DNAI7: variants seen among roughly 807,000 people sequenced by gnomAD.
The protein encoded by DNAI7 is cancer susceptibility 1.
A neutral mutation model predicts 86.6 loss-of-function variants in DNAI7; 78 were observed. That is an observed-to-expected ratio of 0.90 (90% confidence interval 0.75 to 1.09). DNAI7 has a LOEUF of 1.09. Among genes scored for constraint, DNAI7 ranks in the 50% least tolerant of loss-of-function variants. The pLI is 0.00. For synonymous variants in DNAI7, 274 were observed against 273.0 expected, an observed-to-expected ratio of 1.00 and a Z score of -0.04; for missense variants, 753 against 810.2, an observed-to-expected ratio of 0.93 and a Z score of 0.86.
chr12:25,156,196 C>T lies in DNAI7; in HGVS notation c.199-784G>A, dbSNP rs187235847. 1.2e-3 allele frequency among the ~76,000 whole-genome samples: 186 copies of T among 151,984 alleles called. 1 individual carries two copies. The highest frequency in any genetic ancestry group is 3.4e-3 in the Middle Eastern group (1 of 292). On this transcript the variant is annotated intron_variant, in intron 4 of 15. Coordinates refer to ENST00000395987, the MANE Select transcript of DNAI7 (RefSeq NM_018272.5). ...CCCTAAGTACATGTCTTTTTAATAG[C>T]CTGTTGGATAAAATGGGAAGTCAGC...
chr12:25,115,253 T>C (rs1383843759), intron 12 of DNAI7, among the ~76,000 whole-genome samples: 2 of 152,264 alleles, frequency 1.3e-5, no homozygotes, highest in Non-Finnish European at 2.9e-5. Flanking sequence ...AGAGAAACTC[T>C]CTTCAGCTTT....
chr12:25,150,601 CAAAAAAA>C (rs58511191), intron 6 of DNAI7, among the ~76,000 whole-genome samples: 1 of 88,982 alleles, frequency 1.1e-5, no homozygotes, highest in African/African-American at 4.7e-5. Context: ...GACTCTGTCT[CAAAAAAA>C]AAAAAAAAAA....
intron 2 of DNAI7, among the ~76,000 whole-genome samples, chr12:25,163,023 C>T (rs533908877): frequency 2.3e-4 from 35 of 152,354 alleles, no homozygotes; most frequent in African/African-American, 7.7e-4. Context: ...TGCTCCTGTA[C>T]GACCTGGGAG....
downstream of DNAI7, chr12:25,107,687 C>T: frequency 1.3e-6 from 1 of 785,982 alleles, no homozygotes; most frequent in South Asian, 1.8e-5. Flanking sequence ...AATGATAAAT[C>T]ATAATATGTA....
At chr12:25,127,722 G>A (rs559780479) in intron 9 of DNAI7, among the ~76,000 whole-genome samples, 3 of 152,244 alleles carry the variant, frequency 2.0e-5, no homozygotes, top group East Asian at 3.9e-4. Context: ...CTTGATAAAT[G>A]CACAGATAGT....
At chr12:25,168,220 C>T (rs1349393551) in intron 2 of DNAI7, among the ~76,000 whole-genome samples, 1 of 152,194 alleles carries the variant, frequency 6.6e-6, no homozygotes, top group East Asian at 1.9e-4. Flanking sequence ...AAGGTCTCTT[C>T]TTCCTCTGTG....
intron 2 of DNAI7, among the ~76,000 whole-genome samples, chr12:25,180,570 G>A (rs1565828224): frequency 6.6e-6 from 1 of 152,048 alleles, no homozygotes; most frequent in African/African-American, 2.4e-5. Context: ...AAAATAACAT[G>A]GTATTGGTAT....
At position 25,161,206 on chromosome 12, in the gene DNAI7, A is replaced by AG; in HGVS notation, c.22-10dup. ...TTTTTCTTACTGCCAGACTTAACAA[A>AG]GGCCACATCATAAAAAAGGCTATTA... On this transcript the variant is annotated splice_polypyrimidine_tract_variant and intron_variant, in intron 2 of 15. Transcript: ENST00000395987. The AG allele has an allele frequency of 6.2e-7, 1 of 1,611,088 alleles. No homozygotes were observed. Among genetic ancestry groups the AG allele is most frequent in the South Asian group, 1.1e-5 (1 of 90,956 alleles).
At position 25,154,451 on chromosome 12, in the gene DNAI7, C is replaced by T. The variant is rs780391229; in HGVS notation, c.306G>A (p.Lys102=). The part of the protein sequence containing the change: ...KQETKLLSQW[K]HYIQCDGSPD... The stretch of plus-strand genomic sequence containing the variant: ...GACTCCCATCACATTGAATGTAGTG[C>T]TTCCACTGTGGAATAAAAATGTTTA... Residue 102 remains lysine, a synonymous_variant, in exon 6 of 16, where the codon AAG becomes AAA. Coordinates refer to ENST00000395987, the MANE Select transcript of DNAI7 (RefSeq NM_018272.5). 1 of 1,605,698 alleles carries T rather than the reference C, an allele frequency of 6.2e-7. No homozygotes were observed. The highest frequency in any genetic ancestry group is 2.2e-5 in the East Asian group (1 of 44,634).
chr12:25,157,852 T>TTTTG (rs763713211), intron 4 of DNAI7, among the ~76,000 whole-genome samples: 1 of 145,178 alleles, frequency 6.9e-6, no homozygotes, highest in Non-Finnish European at 1.5e-5. Context: ...TTTTTTTTTT[T>TTTTG]GTTCCTGTTA....
At position 25,195,094 on chromosome 12, in the gene DNAI7, A is replaced by T; in HGVS notation, c.-16T>A. The T allele has an allele frequency of 1.9e-6, 3 of 1,613,820 alleles. No homozygotes were observed. The highest frequency in any genetic ancestry group is 4.5e-5 in the East Asian group (2 of 44,880). Reference sequence around the variant, plus strand: ...TGCTCACCATTAAGAGTCAAGCTCCACTGCAGTAGTCCGCAGAGTCGGAGC... The same window carrying T: ...TGCTCACCATTAAGAGTCAAGCTCCTCTGCAGTAGTCCGCAGAGTCGGAGC... On this transcript the variant is annotated 5_prime_UTR_variant, in exon 1 of 16. Transcript: ENST00000395987.
chr12:25,138,170 T>G (rs899723447), intron 9 of DNAI7, among the ~76,000 whole-genome samples: 1 of 151,982 alleles, frequency 6.6e-6, no homozygotes, highest in Admixed American at 6.6e-5. Context: ...CTCAATAAAT[T>G]TAAGAAAATT....
At chr12:25,129,088 C>A (rs948769192) in intron 9 of DNAI7, among the ~76,000 whole-genome samples, 1 of 152,170 alleles carries the variant, frequency 6.6e-6, no homozygotes, top group African/African-American at 2.4e-5. Flanking sequence ...TGTTTTATGA[C>A]TTCTGCAATA....
Position 25,149,690 on chromosome 12 carries a change from T to C in DNAI7, c.523A>G (p.Ile175Val). The C allele has an allele frequency of 6.3e-7, 1 of 1,597,656 alleles. No homozygotes were observed. The highest frequency in any genetic ancestry group is 1.1e-5 in the South Asian group (1 of 89,920). The change falls in exon 7 of 16, where the codon ATA becomes GTA. Residue 175 changes from isoleucine (I) to valine (V), a missense_variant. Ile to Val is a conservative substitution (Grantham distance 29). Coordinates refer to ENST00000395987, the MANE Select transcript of DNAI7 (RefSeq NM_018272.5). ...DKNIIQYQES[I>V]LQLQELLHLK... ...TGAAGGAGCTCCTGCAGTTGTAGTA[T>C]TGATTCTTGGTACTGTATTATATTT... is the stretch of plus-strand genomic sequence containing the variant.
At chr12:25,130,560 A>G (rs1344075002) in intron 9 of DNAI7, among the ~76,000 whole-genome samples, 1 of 42,330 alleles carries the variant, frequency 2.4e-5, no homozygotes, top group African/African-American at 3.8e-5. Flanking sequence ...ATAAAATAAA[A>G]TAAAATAAAA....
At chr12:25,123,593 T>A (rs988593044) in intron 9 of DNAI7, among the ~76,000 whole-genome samples, 10 of 152,336 alleles carry the variant, frequency 6.6e-5, no homozygotes, top group African/African-American at 2.2e-4. Flanking sequence ...TATATTTGCA[T>A]TTTGGTTTAT....
chr12:25,108,045 G>A, downstream of DNAI7: 1 of 1,613,638 alleles, frequency 6.2e-7, no homozygotes, highest in South Asian at 1.1e-5. Flanking sequence ...GACACAATGG[G>A]CCACCACCAG....
intron 6 of DNAI7, among the ~76,000 whole-genome samples, chr12:25,150,618 A>G (rs1440174242): frequency 6.6e-6 from 1 of 151,670 alleles, no homozygotes; most frequent in South Asian, 2.1e-4. Flanking sequence ...AAAAAAAAAA[A>G]AAAAAAATTA....
chr12:25,164,894 C>A (rs1262122682), intron 2 of DNAI7, among the ~76,000 whole-genome samples: 1 of 5,930 alleles, frequency 1.7e-4, no homozygotes, highest in Non-Finnish European at 3.7e-4. Context: ...CCTCCTCACA[C>A]CCGGTCCGGC....
Sources: allele counts gnomAD v4.1 joint callset (sites outside exome capture counted in the v4.1 genomes callset), GRCh38; gene constraint gnomAD v4.1.1; transcripts MANE v1.5; gene names NCBI Gene and HGNC (gene_info 2026-07-23, HGNC 2026-07-21).